Variants in ROBO2 observed in about 807,000 individuals in gnomAD.
ROBO2 encodes the protein roundabout guidance receptor 2, also known as roundabout homolog 2.
Under a neutral mutation model 160.8 loss-of-function variants are expected in ROBO2, and 53 were observed. That is an observed-to-expected ratio of 0.33 (90% CI 0.26 to 0.41). The LOEUF (loss-of-function observed/expected upper bound fraction) is 0.41. ROBO2 is among the 10% of genes least tolerant of loss of function. ROBO2 has a pLI of 1.00. For missense variants in ROBO2, 1,577 were observed against 1,722.4 expected, an observed-to-expected ratio of 0.92 and a Z score of 1.49; for synonymous variants, 664 against 611.7, an observed-to-expected ratio of 1.09 and a Z score of -1.26.
intron 2 of ROBO2, among the ~76,000 whole-genome samples, chr3:76,440,736 C>A (rs1257081983): frequency 6.6e-6 from 1 of 152,100 alleles, no homozygotes; most frequent in African/African-American, 2.4e-5. Context: ...CTTGCCCTAA[C>A]AAGGGCCAAG....
chr3:77,071,097 A>C (rs2149836476), intron 1 of ROBO2, among the ~76,000 whole-genome samples: 1 of 152,260 alleles, frequency 6.6e-6, no homozygotes. Flanking sequence ...TGTGAAAGGA[A>C]AGTCCCTTCT....
chr3:76,194,353 AATATAT>A (rs772196827), intron 2 of ROBO2, among the ~76,000 whole-genome samples: 17 of 94,522 alleles, frequency 1.8e-4, no homozygotes, highest in Admixed American at 6.6e-4. Context: ...ATGGTGTGTA[AATATAT>A]ATATATATAT....
intron 2 of ROBO2, among the ~76,000 whole-genome samples, chr3:76,106,295 A>G (rs1486628047): frequency 1.3e-5 from 2 of 152,142 alleles, no homozygotes; most frequent in South Asian, 2.1e-4. Flanking sequence ...TTTTACAAAC[A>G]CAAAAGCAAA....
chr3:76,095,301 A>G (rs150324667), intron 2 of ROBO2, among the ~76,000 whole-genome samples: 5 of 152,128 alleles, frequency 3.3e-5, no homozygotes, highest in African/African-American at 1.2e-4. Flanking sequence ...TGAATTTAAA[A>G]GGCCCATTAT....
At chr3:76,294,182 C>T (rs1433030494) in intron 2 of ROBO2, among the ~76,000 whole-genome samples, 2 of 152,112 alleles carry the variant, frequency 1.3e-5, no homozygotes, top group African/African-American at 4.8e-5. Context: ...AGCAGTTATT[C>T]CGAGCCTGCA....
At chr3:76,454,551 C>T (rs2077650757) in intron 2 of ROBO2, among the ~76,000 whole-genome samples, 1 of 152,040 alleles carries the variant, frequency 6.6e-6, no homozygotes, top group East Asian at 1.9e-4. Flanking sequence ...CTAATTTCAT[C>T]CTTTACTGAC....
chr3:76,457,816 C>A (rs574054959), intron 2 of ROBO2, among the ~76,000 whole-genome samples: 1 of 152,166 alleles, frequency 6.6e-6, no homozygotes, highest in Non-Finnish European at 1.5e-5. Context: ...ATGGAAGTTG[C>A]CAAGGCTTGG....
At chr3:75,995,887 G>A (rs2065713614) in intron 2 of ROBO2, among the ~76,000 whole-genome samples, 1 of 152,160 alleles carries the variant, frequency 6.6e-6, no homozygotes, top group African/African-American at 2.4e-5. Flanking sequence ...CTACCTCACT[G>A]GATTTTGGAC....
chr3:76,526,430 A>C (rs111456320), intron 2 of ROBO2, among the ~76,000 whole-genome samples: 2 of 152,054 alleles, frequency 1.3e-5, no homozygotes, highest in East Asian at 1.9e-4. Flanking sequence ...TGTCATATAG[A>C]TATTAGACAG....
intron 2 of ROBO2, among the ~76,000 whole-genome samples, chr3:76,997,889 G>A (rs1045594460): frequency 6.6e-6 from 1 of 152,142 alleles, no homozygotes; most frequent in Non-Finnish European, 1.5e-5. Context: ...TGACCTCAGA[G>A]GGAGGGCTTA....
chr3:77,182,937 G>A (rs548788842), intron 2 of ROBO2, among the ~76,000 whole-genome samples: 1 of 151,918 alleles, frequency 6.6e-6, no homozygotes, highest in Non-Finnish European at 1.5e-5. Context: ...TGTTTGGTAA[G>A]GTATTCTCCC....
chr3:76,516,254 T>G (rs2081342325), intron 2 of ROBO2, among the ~76,000 whole-genome samples: 2 of 152,296 alleles, frequency 1.3e-5, no homozygotes, highest in African/African-American at 4.8e-5. Context: ...GAAGACCCTC[T>G]ATAGCAGATG....
chr3:76,378,530 C>T (rs565995988), intron 2 of ROBO2, among the ~76,000 whole-genome samples: 2 of 152,160 alleles, frequency 1.3e-5, no homozygotes, highest in East Asian at 1.9e-4. Context: ...AAGAAACATT[C>T]GAAGAATAGG....
At chr3:76,146,889 A>AAC (rs373864019) in intron 2 of ROBO2, among the ~76,000 whole-genome samples, 3 of 148,344 alleles carry the variant, frequency 2.0e-5, no homozygotes, top group East Asian at 2.1e-4. Flanking sequence ...CACACACACA[A>AAC]ACACACACAC....
chr3:76,849,376 A>G (rs973789524), intron 2 of ROBO2, among the ~76,000 whole-genome samples: 2 of 152,142 alleles, frequency 1.3e-5, no homozygotes, highest in African/African-American at 4.8e-5. Flanking sequence ...TCTATGTGTT[A>G]TCCTAAACTC....
intron 2 of ROBO2, among the ~76,000 whole-genome samples, chr3:76,210,242 A>G (rs1168024378): frequency 1.3e-5 from 2 of 152,138 alleles, no homozygotes; most frequent in Non-Finnish European, 1.5e-5. Context: ...AAAAAAACAC[A>G]TATTTCTAGG....
chr3:76,064,761 C>G (rs1269290216), intron 2 of ROBO2, among the ~76,000 whole-genome samples: 1 of 152,022 alleles, frequency 6.6e-6, no homozygotes, highest in Admixed American at 6.6e-5. Flanking sequence ...TAGGAAGTGT[C>G]TATTCAGGGC....
At chr3:76,461,114 C>G (rs984960417) in intron 2 of ROBO2, among the ~76,000 whole-genome samples, 24 of 152,196 alleles carry the variant, frequency 1.6e-4, no homozygotes, top group Non-Finnish European at 2.6e-4. Flanking sequence ...AAGCATGGTG[C>G]TGGCATCTTC....
intron 13 of ROBO2, among the ~76,000 whole-genome samples, chr3:77,572,636 A>AAC (rs71104692): frequency 0.5 from 72,977 of 146,140 alleles, 17,947 homozygotes; most frequent in Middle Eastern, 0.6. Flanking sequence ...CGTACATAGA[A>AAC]ACACACACAC....
Sources: gnomAD v4.1 joint callset for allele counts (sites outside exome capture counted in the v4.1 genomes callset) on GRCh38, gnomAD v4.1.1 for gene constraint, MANE v1.5 for transcripts, NCBI Gene and HGNC (gene_info 2026-07-23, HGNC 2026-07-21) for gene names.